Variants in LYPD6 observed in about 807,000 individuals in gnomAD.
LYPD6 encodes the protein ly6/PLAUR domain-containing protein 6.
A neutral mutation model predicts 22.7 loss-of-function variants in LYPD6; 15 were observed. The observed-to-expected ratio is 0.66, with a 90% CI of 0.44 to 1.02. LYPD6 has a LOEUF of 1.02. LYPD6 is among the 50% of genes least tolerant of loss of function. The pLI, the probability that LYPD6 is intolerant of heterozygous loss-of-function variation, is 0.00. For synonymous variants in LYPD6, 72 were observed against 77.5 expected (o/e 0.93, Z 0.37); for missense variants, 189 against 208.4 (o/e 0.91, Z 0.57).
intron 1 of LYPD6, among the ~76,000 whole-genome samples, chr2:149,426,185 G>A (rs2105138123): frequency 6.6e-6 from 1 of 152,244 alleles, no homozygotes; most frequent in East Asian, 1.9e-4. Flanking sequence ...CTTCTCTGCT[G>A]TGAGAAATTC....
intron 1 of LYPD6, among the ~76,000 whole-genome samples, chr2:149,332,349 T>C (rs59569304): frequency 1.6e-3 from 237 of 152,250 alleles, no homozygotes; most frequent in African/African-American, 4.6e-3. Flanking sequence ...AGACAGACAA[T>C]TGATGAAGCT....
the LYPD6 span, among the ~76,000 whole-genome samples, chr2:149,482,910 C>T: frequency 1.2e-4 from 19 of 152,296 alleles, no homozygotes; most frequent in South Asian, 3.9e-3. Flanking sequence ...AAGGCTGAGA[C>T]TCTGAGCAGA....
chr2:149,351,424 A>G (rs1681357606), intron 1 of LYPD6, among the ~76,000 whole-genome samples: 1 of 151,382 alleles, frequency 6.6e-6, no homozygotes, highest in South Asian at 2.1e-4. Flanking sequence ...AAGAAAGAAA[A>G]CAAGCCTATT....
Position 149,411,205 on chromosome 2 carries a change from C to T in LYPD6, c.-71-26433C>T, listed in dbSNP as rs142805125. Among the ~76,000 whole-genome samples, 31 of 152,230 alleles carry T rather than the reference C, an allele frequency of 2.0e-4. No homozygotes were observed. The East Asian group carries it at 4.8e-3, about 24-fold the overall frequency. ...TGTTTTAACAAGCCTTCTGACGCAG[C>T]GTCAAGTTTAGGAACCACTGGCTAA... On this transcript the variant is annotated intron_variant, in intron 1 of 4. Coordinates refer to ENST00000334166, the MANE Select transcript of LYPD6 (RefSeq NM_194317.5).
intron 1 of LYPD6, among the ~76,000 whole-genome samples, chr2:149,423,856 A>G (rs935063888): frequency 6.6e-6 from 1 of 152,122 alleles, no homozygotes; most frequent in Admixed American, 6.6e-5. Context: ...ACTGCAGCAC[A>G]TTTCAGAGCC....
intron 3 of LYPD6, among the ~76,000 whole-genome samples, chr2:149,459,048 A>T (rs1038173099): frequency 6.6e-6 from 1 of 152,220 alleles, no homozygotes; most frequent in East Asian, 1.9e-4. Context: ...TTAGCAGCTA[A>T]AAGTTTTTCT....
intron 1 of LYPD6, among the ~76,000 whole-genome samples, chr2:149,370,169 C>A (rs1173127530): frequency 6.6e-6 from 1 of 152,106 alleles, no homozygotes; most frequent in Non-Finnish European, 1.5e-5. Flanking sequence ...TGAATAAATG[C>A]TGAGAAGAGC....
chr2:149,331,106 T>C (rs918726495), intron 1 of LYPD6, among the ~76,000 whole-genome samples: 3 of 152,112 alleles, frequency 2.0e-5, no homozygotes, highest in African/African-American at 7.2e-5. Context: ...AGGGAGTTCC[T>C]GGGCGGCGGA....
chr2:149,467,106 G>A (rs1214242424), intron 3 of LYPD6, among the ~76,000 whole-genome samples: 1 of 152,200 alleles, frequency 6.6e-6, no homozygotes, highest in Non-Finnish European at 1.5e-5. Context: ...TCACTCCAAT[G>A]TTAAGATAGT....
chr2:149,413,177 C>T (rs1428155017), intron 1 of LYPD6, among the ~76,000 whole-genome samples: 5 of 152,020 alleles, frequency 3.3e-5, no homozygotes, highest in South Asian at 4.2e-4. Flanking sequence ...TTGGGAGTCC[C>T]GAACTGGGTC....
At chr2:149,456,096 T>A (rs956411997) in intron 3 of LYPD6, among the ~76,000 whole-genome samples, 5 of 152,162 alleles carry the variant, frequency 3.3e-5, no homozygotes, top group Admixed American at 3.3e-4. Context: ...GGAGAATAAT[T>A]GTTAAGAGCA....
chr2:149,433,305 A>C (rs16826969), intron 1 of LYPD6, among the ~76,000 whole-genome samples: 44,237 of 152,088 alleles, frequency 0.29, 8,324 homozygotes, highest in African/African-American at 0.54. Context: ...AGAGGTGGAT[A>C]TCTTGTAATG....
intron 1 of LYPD6, among the ~76,000 whole-genome samples, chr2:149,411,057 C>T (rs954905588): frequency 6.6e-6 from 1 of 152,136 alleles, no homozygotes; most frequent in African/African-American, 2.4e-5. Flanking sequence ...AATGGTTGGT[C>T]TAAGGTCCAA....
chr2:149,425,865 T>A (rs1292242226), intron 1 of LYPD6, among the ~76,000 whole-genome samples: 1 of 152,228 alleles, frequency 6.6e-6, no homozygotes, highest in Admixed American at 6.5e-5. Context: ...ATAGTTTAGG[T>A]TGATTTAGCC....
chr2:149,361,504 C>T (rs149914267), intron 1 of LYPD6, among the ~76,000 whole-genome samples: 20 of 152,328 alleles, frequency 1.3e-4, no homozygotes, highest in African/African-American at 4.3e-4. Context: ...CTTAAATACA[C>T]ATCACTTTCT....
downstream of LYPD6, among the ~76,000 whole-genome samples, chr2:149,478,373 T>G (rs573735565): frequency 2.1e-5 from 2 of 94,548 alleles, no homozygotes; most frequent in African/African-American, 8.4e-5. Flanking sequence ...CTTTGGTATA[T>G]AGAGGTGTGT....
chr2:149,463,735 C>T (rs1681137213), intron 3 of LYPD6, among the ~76,000 whole-genome samples: 1 of 152,098 alleles, frequency 6.6e-6, no homozygotes, highest in Non-Finnish European at 1.5e-5. Context: ...AATTAACAAA[C>T]CCAGTGAATG....
intron 2 of LYPD6, among the ~76,000 whole-genome samples, chr2:149,446,454 T>C (rs1171678931): frequency 6.6e-6 from 1 of 152,188 alleles, no homozygotes; most frequent in African/African-American, 2.4e-5. Context: ...CTTACCAAAA[T>C]AGAACCTTTC....
intron 1 of LYPD6, among the ~76,000 whole-genome samples, chr2:149,420,437 G>C (rs769389651): frequency 6.6e-6 from 1 of 152,112 alleles, no homozygotes; most frequent in African/African-American, 2.4e-5. Context: ...ATAGGTGTGA[G>C]TGTATGTTCG....
Sources: allele counts gnomAD v4.1 joint callset (sites outside exome capture counted in the v4.1 genomes callset), GRCh38; gene constraint gnomAD v4.1.1; transcripts MANE v1.5; gene names NCBI Gene and HGNC (gene_info 2026-07-23, HGNC 2026-07-21).